ZNF385D: variants seen among roughly 807,000 people sequenced by gnomAD.
ZNF385D encodes the protein zinc finger protein 385D, also known as zinc finger protein 659.
A neutral mutation model predicts 35.8 loss-of-function variants in ZNF385D; 15 were observed. The observed-to-expected ratio is 0.42, with a 90% CI of 0.28 to 0.64. The LOEUF is 0.64. Ranked by LOEUF, ZNF385D falls within the 30% of genes least tolerant of loss-of-function variation. The probability of loss-of-function intolerance (pLI) is 0.23; values close to 1 mark genes in which losing one functional copy is unlikely to be tolerated. For missense variants in ZNF385D, 474 were observed against 494.6 expected (o/e 0.96, Z 0.39); for synonymous variants, 212 against 186.8 (o/e 1.13, Z -1.10).
At chr3:22,219,761 A>AT (rs1698140291) in intron 2 of ZNF385D, among the ~76,000 whole-genome samples, 2 of 152,186 alleles carry the variant, frequency 1.3e-5, no homozygotes, top group East Asian at 3.9e-4. Flanking sequence ...AATGGAATGA[A>AT]TAAAGATTTT....
chr3:21,768,883 G>C (rs530242797), intron 3 of ZNF385D, among the ~76,000 whole-genome samples: 14 of 150,376 alleles, frequency 9.3e-5, no homozygotes, highest in Admixed American at 6.7e-5. Flanking sequence ...CTTCTTTTTG[G>C]AGTCAGACAT....
At chr3:21,913,233 T>A (rs532796668) in intron 3 of ZNF385D, among the ~76,000 whole-genome samples, 1 of 152,224 alleles carries the variant, frequency 6.6e-6, no homozygotes, top group Admixed American at 6.6e-5. Flanking sequence ...AGGAACAGTG[T>A]CACCATGCAG....
chr3:22,173,806 C>T (rs1559427774), intron 2 of ZNF385D, among the ~76,000 whole-genome samples: 1 of 152,164 alleles, frequency 6.6e-6, no homozygotes, highest in Non-Finnish European at 1.5e-5. Context: ...GCTCAGAATT[C>T]TCCTGCCTGT....
chr3:22,356,305 G>A (rs1463900231), intron 2 of ZNF385D, among the ~76,000 whole-genome samples: 1 of 151,794 alleles, frequency 6.6e-6, no homozygotes, highest in African/African-American at 2.4e-5. Flanking sequence ...TATTTCAATG[G>A]GTATGGTATG....
chr3:21,705,648 C>A (rs2067868586), intron 1 of ZNF385D, among the ~76,000 whole-genome samples: 1 of 152,136 alleles, frequency 6.6e-6, no homozygotes, highest in Non-Finnish European at 1.5e-5. Flanking sequence ...GAAATTAAAA[C>A]TAAGAGAATA....
At chr3:22,077,409 T>G (rs1016250587) in intron 3 of ZNF385D, among the ~76,000 whole-genome samples, 4 of 151,930 alleles carry the variant, frequency 2.6e-5, no homozygotes, top group African/African-American at 9.7e-5. Flanking sequence ...ATTAAAATTG[T>G]CCAACATTGG....
chr3:21,752,232 C>T (rs992663697), upstream of ZNF385D, among the ~76,000 whole-genome samples: 9 of 152,056 alleles, frequency 5.9e-5, no homozygotes, highest in African/African-American at 1.9e-4. Context: ...CAGCAAGTTC[C>T]GTTTCCTAAG....
chr3:21,955,952 C>A (rs1183541489), intron 3 of ZNF385D, among the ~76,000 whole-genome samples: 1 of 151,928 alleles, frequency 6.6e-6, no homozygotes, highest in African/African-American at 2.4e-5. Context: ...TTGGGAGGCC[C>A]AGGCATGTGG....
At chr3:22,244,827 T>C (rs768851440) in intron 2 of ZNF385D, among the ~76,000 whole-genome samples, 16 of 144,594 alleles carry the variant, frequency 1.1e-4, no homozygotes, top group Non-Finnish European at 2.3e-4. Context: ...CCTTGATTTT[T>C]TTTTTCTCAT....
rs75674656 is a variant in ZNF385D, at chr3:21,889,351, C to G, written c.326-224323G>C. Among the ~76,000 whole-genome samples, 175 of 152,174 alleles carry G rather than the reference C, an allele frequency of 1.1e-3. 3 individuals are homozygous for G. The East Asian group carries it at 0.031, about 27-fold the overall frequency. On this transcript the variant is annotated intron_variant, in intron 3 of 5. Coordinates refer to the ZNF385D transcript ENST00000494108. ...GATGCAAGATGGGGGAGGTGAGGCG[C>G]CAGACGACCTAGCCTGAATTAGCAC...
intron 2 of ZNF385D, among the ~76,000 whole-genome samples, chr3:22,196,355 AGTGT>A (rs1416433654): frequency 1.8e-5 from 2 of 108,544 alleles, no homozygotes; most frequent in Non-Finnish European, 4.4e-5. Flanking sequence ...TTATATTTAG[AGTGT>A]GTATTTTGCA....
intron 5 of ZNF385D, among the ~76,000 whole-genome samples, chr3:21,432,639 CT>C (rs1390537023): frequency 6.6e-6 from 1 of 151,660 alleles, no homozygotes; most frequent in African/African-American, 2.4e-5. Flanking sequence ...AAAAACACAT[CT>C]TTTGTAATAT....
intron 3 of ZNF385D, among the ~76,000 whole-genome samples, chr3:21,952,404 A>G (rs1416629190): frequency 2.6e-5 from 4 of 152,038 alleles, no homozygotes; most frequent in Admixed American, 2.0e-4. Context: ...GCATCAATCA[A>G]CATCAACATG....
rs139983349 is a variant in ZNF385D, at chr3:21,775,537, C to G, written c.326-110509G>C. On this transcript the variant is annotated intron_variant, in intron 3 of 5. Transcript: ENST00000494108. ...CTATTTACAGCTCTGAGAAGTTGAA[C>G]TCCTCCTGGCTATTTCTTTAGCAAT... Among the ~76,000 whole-genome samples, 36 of 152,008 alleles carry G rather than the reference C, an allele frequency of 2.4e-4. No individual in the cohort carries two copies. In the East Asian group the frequency reaches 6.8e-3, roughly 29 times the overall value.
chr3:21,501,597 T>G (rs981322362), intron 4 of ZNF385D, among the ~76,000 whole-genome samples: 2 of 152,246 alleles, frequency 1.3e-5, no homozygotes, highest in Admixed American at 6.5e-5. Context: ...GACAAAATTC[T>G]CTAATTGTCT....
intron 3 of ZNF385D, among the ~76,000 whole-genome samples, chr3:21,803,431 T>C (rs1013058798): frequency 2.0e-5 from 3 of 152,206 alleles, no homozygotes; most frequent in African/African-American, 7.2e-5. Context: ...GTCATTGATA[T>C]TTAAAATCAA....
intron 2 of ZNF385D, among the ~76,000 whole-genome samples, chr3:21,631,976 G>T (rs554508908): frequency 6.6e-6 from 1 of 152,122 alleles, no homozygotes; most frequent in Non-Finnish European, 1.5e-5. Flanking sequence ...GCTTAAATAA[G>T]TGTATTGGTA....
intron 3 of ZNF385D, among the ~76,000 whole-genome samples, chr3:22,041,126 A>G (rs908825097): frequency 3.3e-5 from 5 of 151,994 alleles, no homozygotes; most frequent in African/African-American, 7.2e-5. Context: ...GTTTTCCTCT[A>G]TGTTGGCTCC....
chr3:22,043,900 A>C (rs1698825683), intron 3 of ZNF385D, among the ~76,000 whole-genome samples: 1 of 152,106 alleles, frequency 6.6e-6, no homozygotes, highest in Admixed American at 6.6e-5. Context: ...GTAAGCAAAG[A>C]AGTGAGGGAG....
Sources: gnomAD v4.1 joint callset for allele counts (sites outside exome capture counted in the v4.1 genomes callset) on GRCh38, gnomAD v4.1.1 for gene constraint, MANE v1.5 for transcripts, NCBI Gene and HGNC (gene_info 2026-07-23, HGNC 2026-07-21) for gene names.